CACNA2D1: variants seen among roughly 807,000 people sequenced by gnomAD.
The protein encoded by CACNA2D1 is voltage-dependent calcium channel subunit alpha-2/delta-1.
CACNA2D1 carries 53 observed loss-of-function variants against 171.5 expected under a neutral mutation model. The observed-to-expected ratio is 0.31, with a 90% CI of 0.25 to 0.39. The LOEUF (loss-of-function observed/expected upper bound fraction) is 0.39, where lower values mean the gene tolerates loss of function less well. Ranked by LOEUF, CACNA2D1 falls within the 10% of genes least tolerant of loss-of-function variation. The pLI, the probability that CACNA2D1 is intolerant of heterozygous loss-of-function variation, is 1.00. For synonymous variants in CACNA2D1, 442 were observed against 443.1 expected (o/e 1.00, Z 0.03); for missense variants, 903 against 1,299.8 (o/e 0.69, Z 4.69).
At chr7:82,388,669 T>C (rs1246783007) in intron 1 of CACNA2D1, among the ~76,000 whole-genome samples, 1 of 152,192 alleles carries the variant, frequency 6.6e-6, no homozygotes, top group Non-Finnish European at 1.5e-5. Context: ...AAAGTTTATA[T>C]GAGGTCCTGT....
At chr7:82,411,184 T>C (rs2129455001) in intron 1 of CACNA2D1, among the ~76,000 whole-genome samples, 1 of 152,278 alleles carries the variant, frequency 6.6e-6, no homozygotes, top group South Asian at 2.1e-4. Context: ...GCCATATTTA[T>C]TATAAATGTT....
chr7:82,249,072 C>T (rs1291537199), intron 3 of CACNA2D1, among the ~76,000 whole-genome samples: 9 of 150,586 alleles, frequency 6.0e-5, no homozygotes, highest in Non-Finnish European at 7.4e-5. Context: ...GCTGAGATCG[C>T]GCCACTGCAC....
intron 11 of CACNA2D1, among the ~76,000 whole-genome samples, chr7:82,033,682 A>G (rs1802982508): frequency 6.6e-6 from 1 of 152,072 alleles, no homozygotes; most frequent in South Asian, 2.1e-4. Flanking sequence ...GAAAGACTCA[A>G]GTCCATGGTA....
chr7:82,153,944 T>G (rs1794105185), intron 4 of CACNA2D1, among the ~76,000 whole-genome samples: 1 of 152,158 alleles, frequency 6.6e-6, no homozygotes, highest in South Asian at 2.1e-4. Flanking sequence ...AGATAACTGT[T>G]GCAGAGCTTG....
intron 6 of CACNA2D1, among the ~76,000 whole-genome samples, chr7:82,088,426 T>A (rs1810739548): frequency 1.3e-5 from 2 of 152,158 alleles, no homozygotes; most frequent in South Asian, 4.1e-4. Flanking sequence ...TCTCAAAAAA[T>A]AATTGTGGAA....
At chr7:82,042,708 C>A (rs191940356) in intron 10 of CACNA2D1, among the ~76,000 whole-genome samples, 155 of 152,222 alleles carry the variant, frequency 1.0e-3, no homozygotes, top group African/African-American at 3.7e-3. Context: ...CCTTCCACAT[C>A]TCTTGTTCCT....
chr7:82,131,568 C>T (rs964315344), intron 5 of CACNA2D1, among the ~76,000 whole-genome samples: 1 of 152,096 alleles, frequency 6.6e-6, no homozygotes, highest in Non-Finnish European at 1.5e-5. Flanking sequence ...GGATATTAAT[C>T]CCCATTGAAA....
chr7:82,340,650 C>T (rs1818519270), intron 2 of CACNA2D1, among the ~76,000 whole-genome samples: 1 of 151,996 alleles, frequency 6.6e-6, no homozygotes, highest in Non-Finnish European at 1.5e-5. Context: ...AGATGAGCTC[C>T]ATTGTGAGCA....
intron 3 of CACNA2D1, among the ~76,000 whole-genome samples, chr7:82,247,790 T>C (rs1307803131): frequency 6.6e-6 from 1 of 152,158 alleles, no homozygotes; most frequent in Non-Finnish European, 1.5e-5. Flanking sequence ...CACTATTCAG[T>C]AAACCCAAAA....
At chr7:82,180,301 C>G (rs1796986573) in intron 3 of CACNA2D1, among the ~76,000 whole-genome samples, 1 of 152,184 alleles carries the variant, frequency 6.6e-6, no homozygotes, top group Non-Finnish European at 1.5e-5. Context: ...GGTTCATCAG[C>G]TGTAACACAT....
intron 3 of CACNA2D1, among the ~76,000 whole-genome samples, chr7:82,279,214 A>G (rs188284318): frequency 4.2e-4 from 64 of 152,350 alleles, no homozygotes; most frequent in African/African-American, 1.4e-3. Context: ...ACTGAAATGA[A>G]TATGTTCTGC....
At chr7:82,279,880 T>C (rs937597964) in intron 3 of CACNA2D1, among the ~76,000 whole-genome samples, 2 of 152,160 alleles carry the variant, frequency 1.3e-5, no homozygotes, top group African/African-American at 4.8e-5. Context: ...AGACTAAACT[T>C]GGTCCAGGTA....
rs184778878 is a variant in CACNA2D1 at position 81,961,177 on chromosome 7, T to C, written c.2966+717A>G. On this transcript the variant is annotated intron_variant, in intron 36 of 38. Transcript: ENST00000356860. ...CAAAGTGTCTCTACTCTGTGCTTTG[T>C]AAGCTGTGACTTGCTGCTCTCCTCT... Among the ~76,000 whole-genome samples, 515 of 152,158 alleles carry C rather than the reference T, an allele frequency of 3.4e-3. 1 individual carries two copies. The highest frequency in any genetic ancestry group is 0.01 in the Middle Eastern group (3 of 294).
intron 1 of CACNA2D1, among the ~76,000 whole-genome samples, chr7:82,361,907 G>T (rs1284021587): frequency 1.3e-5 from 2 of 152,070 alleles, no homozygotes; most frequent in African/African-American, 4.8e-5. Context: ...CATAAAATGT[G>T]AAATAAACAC....
rs1192590498 is a variant in CACNA2D1 at position 81,950,137 on chromosome 7, A to G, written c.*255T>C. 2 of 519,526 alleles carry G rather than the reference A, an allele frequency of 3.8e-6. No homozygotes were observed. Among genetic ancestry groups the G allele is most frequent in the East Asian group, 6.4e-5 (2 of 31,058 alleles). The allele number at this position is 519,526 out of a possible 1,614,324, so 32.2% of individuals were successfully genotyped here. A position where few individuals can be genotyped will look rare whatever the true frequency, so the allele number is the denominator to read the frequency against. On this transcript the variant is annotated 3_prime_UTR_variant, in exon 39 of 39. Transcript: ENST00000356860. ...CAACAACAAACTCCCAAATTTTCCA[A>G]TAGAGGACACGTATAGGATTTTGCT...
At chr7:82,357,675 T>C (rs1485788210) in intron 1 of CACNA2D1, among the ~76,000 whole-genome samples, 1 of 125,792 alleles carries the variant, frequency 7.9e-6, no homozygotes, top group African/African-American at 3.1e-5. Context: ...ATGGGAACTA[T>C]ACCACAGAGA....
At chr7:82,133,196 G>A (rs1024871912) in intron 5 of CACNA2D1, among the ~76,000 whole-genome samples, 13 of 152,008 alleles carry the variant, frequency 8.6e-5, no homozygotes, top group Admixed American at 3.9e-4. Flanking sequence ...TACTGCTTAC[G>A]TATATCAGCA....
At chr7:82,350,378 T>C (rs139594373) in intron 1 of CACNA2D1, among the ~76,000 whole-genome samples, 6 of 152,244 alleles carry the variant, frequency 3.9e-5, no homozygotes, top group African/African-American at 1.4e-4. Flanking sequence ...GAATATTTTA[T>C]TTCCGGGCCA....
At chr7:82,127,812 A>T (rs547599175) in intron 5 of CACNA2D1, among the ~76,000 whole-genome samples, 8 of 152,208 alleles carry the variant, frequency 5.3e-5, no homozygotes, top group Non-Finnish European at 1.2e-4. Context: ...GACACAGCAA[A>T]GATTTTCTTA....
Sources: allele counts gnomAD v4.1 joint callset (sites outside exome capture counted in the v4.1 genomes callset), GRCh38; gene constraint gnomAD v4.1.1; transcripts MANE v1.5; gene names NCBI Gene and HGNC (gene_info 2026-07-23, HGNC 2026-07-21).